Variants in CNTN5 observed in about 807,000 individuals in gnomAD.
CNTN5 encodes the protein contactin-5.
Under a neutral mutation model 129.1 loss-of-function variants are expected in CNTN5, and 77 were observed. The observed-to-expected ratio is 0.60, with a 90% confidence interval of 0.50 to 0.72. The LOEUF (loss-of-function observed/expected upper bound fraction) is 0.72. CNTN5 is among the 30% of genes least tolerant of loss of function. CNTN5 has a pLI of 0.00. For synonymous variants in CNTN5, 509 were observed against 465.6 expected, an observed-to-expected ratio of 1.09 and a Z score of -1.20; for missense variants, 1,478 against 1,328.8, an observed-to-expected ratio of 1.11 and a Z score of -1.75.
At chr11:99,895,938 C>T (rs888364611) in intron 6 of CNTN5, among the ~76,000 whole-genome samples, 17 of 152,160 alleles carry the variant, frequency 1.1e-4, no homozygotes, top group African/African-American at 1.9e-4. Context: ...CTCCATACTG[C>T]GTAAGTCCTT....
chr11:100,255,149 T>C (rs1208779240), intron 16 of CNTN5, among the ~76,000 whole-genome samples: 4 of 152,224 alleles, frequency 2.6e-5, no homozygotes, highest in Non-Finnish European at 5.9e-5. Context: ...TAATCATAGA[T>C]CACAGTCTCC....
At chr11:99,072,736 T>A (rs1017699111) in intron 1 of CNTN5, among the ~76,000 whole-genome samples, 1 of 152,134 alleles carries the variant, frequency 6.6e-6, no homozygotes, top group Non-Finnish European at 1.5e-5. Context: ...AATTGAGATA[T>A]AGCATATACT....
intron 9 of CNTN5, among the ~76,000 whole-genome samples, chr11:100,029,357 T>C (rs987266180): frequency 1.3e-5 from 2 of 148,440 alleles, no homozygotes; most frequent in Non-Finnish European, 3.0e-5. Context: ...CTGAGGCGGG[T>C]GGATCATGAG....
chr11:99,337,477 G>C (rs187212037), intron 2 of CNTN5, among the ~76,000 whole-genome samples: 1 of 152,162 alleles, frequency 6.6e-6, no homozygotes, highest in African/African-American at 2.4e-5. Context: ...GGGATAGGCC[G>C]AATTAATTGC....
intron 2 of CNTN5, among the ~76,000 whole-genome samples, chr11:99,492,481 T>C (rs973265633): frequency 6.6e-6 from 1 of 152,204 alleles, no homozygotes; most frequent in Non-Finnish European, 1.5e-5. Flanking sequence ...CATATTCATA[T>C]GCTAAAATCT....
intron 6 of CNTN5, among the ~76,000 whole-genome samples, chr11:99,897,644 G>C (rs1402617048): frequency 6.6e-6 from 1 of 152,078 alleles, no homozygotes; most frequent in Non-Finnish European, 1.5e-5. Flanking sequence ...ATGCTCAAAG[G>C]AATTCTAAAT....
intron 13 of CNTN5, among the ~76,000 whole-genome samples, chr11:100,109,054 C>T (rs1333215416): frequency 2.0e-5 from 3 of 152,094 alleles, no homozygotes; most frequent in Admixed American, 6.6e-5. Flanking sequence ...GTCATGCCAC[C>T]GTGTTTGCCT....
At chr11:100,288,005 CAA>C (rs1474956975) in intron 18 of CNTN5, among the ~76,000 whole-genome samples, 1 of 151,870 alleles carries the variant, frequency 6.6e-6, no homozygotes, top group Non-Finnish European at 1.5e-5. Flanking sequence ...TCAAAAGAGA[CAA>C]AGAAGGCCAT....
At chr11:100,084,774 A>C (rs1169962464) in intron 13 of CNTN5, among the ~76,000 whole-genome samples, 1 of 152,102 alleles carries the variant, frequency 6.6e-6, no homozygotes, top group Non-Finnish European at 1.5e-5. Flanking sequence ...TAATAGCTGG[A>C]GTTTTCAAGA....
intron 3 of CNTN5, among the ~76,000 whole-genome samples, chr11:99,760,111 T>C (rs186536763): frequency 1.3e-5 from 2 of 152,286 alleles, no homozygotes; most frequent in Admixed American, 6.5e-5. Flanking sequence ...TCTCCTTTTT[T>C]CTCCAATCCT....
intron 13 of CNTN5, among the ~76,000 whole-genome samples, chr11:100,130,582 G>A (rs986310257): frequency 1.3e-5 from 2 of 152,090 alleles, no homozygotes; most frequent in African/African-American, 4.8e-5. Context: ...TGCAGGGCAG[G>A]GATGGCTGTG....
At chr11:99,420,137 AG>A (rs1210987131) in intron 2 of CNTN5, among the ~76,000 whole-genome samples, 1 of 152,146 alleles carries the variant, frequency 6.6e-6, no homozygotes, top group Non-Finnish European at 1.5e-5. Flanking sequence ...CCCGGATACA[AG>A]GCTGCAGAAC....
At chr11:100,051,767 C>A (rs1942965680) in intron 9 of CNTN5, among the ~76,000 whole-genome samples, 1 of 151,868 alleles carries the variant, frequency 6.6e-6, no homozygotes, top group African/African-American at 2.4e-5. Context: ...GGAAACATCA[C>A]TACGTCTCTA....
At chr11:99,681,155 A>G (rs1242039937) in intron 3 of CNTN5, among the ~76,000 whole-genome samples, 1 of 152,108 alleles carries the variant, frequency 6.6e-6, no homozygotes, top group Admixed American at 6.6e-5. Context: ...GTTCCTTGAA[A>G]TGGAATCTAC....
At chr11:99,976,709 C>A (rs544464565) in intron 8 of CNTN5, among the ~76,000 whole-genome samples, 1 of 152,208 alleles carries the variant, frequency 6.6e-6, no homozygotes. Flanking sequence ...CTGCACAGTG[C>A]AACTGGCCAC....
intron 3 of CNTN5, among the ~76,000 whole-genome samples, chr11:99,799,047 T>C (rs996518355): frequency 4.6e-5 from 7 of 152,216 alleles, no homozygotes; most frequent in Admixed American, 6.5e-5. Flanking sequence ...GATTATGTTC[T>C]TGTTATGGTC....
At chr11:99,842,082 A>G (rs900566054) in intron 4 of CNTN5, among the ~76,000 whole-genome samples, 4 of 151,888 alleles carry the variant, frequency 2.6e-5, no homozygotes, top group African/African-American at 9.7e-5. Flanking sequence ...TTTAGTACAG[A>G]TAGGGTTTCA....
intron 1 of CNTN5, among the ~76,000 whole-genome samples, chr11:99,212,340 T>C (rs1859843915): frequency 6.6e-6 from 1 of 152,214 alleles, no homozygotes; most frequent in South Asian, 2.1e-4. Context: ...TTCCTTACAC[T>C]ATAAATCTAA....
chr11:99,839,898 C>G (rs1037371429), intron 4 of CNTN5, among the ~76,000 whole-genome samples: 1 of 151,472 alleles, frequency 6.6e-6, no homozygotes, highest in Non-Finnish European at 1.5e-5. Context: ...CAAGGTATGC[C>G]TAACTGGTAT....
Sources: gnomAD v4.1 joint callset for allele counts (sites outside exome capture counted in the v4.1 genomes callset) on GRCh38, gnomAD v4.1.1 for gene constraint, MANE v1.5 for transcripts, NCBI Gene and HGNC (gene_info 2026-07-23, HGNC 2026-07-21) for gene names.